Variants in TMCC3 observed in about 807,000 individuals in gnomAD.
TMCC3 encodes transmembrane and coiled-coil domain protein 3.
Under a neutral mutation model 40.2 loss-of-function variants are expected in TMCC3, and 28 were observed. The observed-to-expected ratio is 0.70, with a 90% CI of 0.52 to 0.95. The LOEUF (loss-of-function observed/expected upper bound fraction) is 0.95, where lower values mean the gene tolerates loss of function less well. TMCC3 is among the 40% of genes least tolerant of loss of function. The pLI is 0.00. For missense variants in TMCC3, 554 were observed against 615.2 expected (o/e 0.90, Z 1.05); for synonymous variants, 255 against 248.5 (o/e 1.03, Z -0.25).
At chr12:94,600,937 C>T (rs759752950) in intron 1 of TMCC3, among the ~76,000 whole-genome samples, 45 of 152,100 alleles carry the variant, frequency 3.0e-4, no homozygotes, top group Admixed American at 7.9e-4. Flanking sequence ...ATATACGAAC[C>T]CAATTTCTCT....
intron 1 of TMCC3, among the ~76,000 whole-genome samples, chr12:94,607,375 A>G (rs544709962): frequency 4.6e-5 from 7 of 152,356 alleles, no homozygotes; most frequent in Admixed American, 1.3e-4. Context: ...GAGATTAAAG[A>G]CAGGCATAAG....
intron 1 of TMCC3, among the ~76,000 whole-genome samples, chr12:94,638,776 G>A (rs1032863392): frequency 2.0e-5 from 3 of 152,214 alleles, no homozygotes; most frequent in African/African-American, 7.2e-5. Flanking sequence ...ACAACATCTT[G>A]ACAAAGACAG....
chr12:94,597,959 A>G (rs2138846235), intron 1 of TMCC3, among the ~76,000 whole-genome samples: 1 of 152,316 alleles, frequency 6.6e-6, no homozygotes, highest in South Asian at 2.1e-4. Context: ...AAGTCCAAGA[A>G]GGCAACGACT....
chr12:94,618,325 TC>T (rs1382279336), intron 1 of TMCC3, among the ~76,000 whole-genome samples: 1 of 152,210 alleles, frequency 6.6e-6, no homozygotes, highest in African/African-American at 2.4e-5. Flanking sequence ...GATCACTTCT[TC>T]CTTCCCCCTT....
At chr12:94,611,786 G>A (rs1194254270) in intron 1 of TMCC3, among the ~76,000 whole-genome samples, 1 of 150,322 alleles carries the variant, frequency 6.7e-6, no homozygotes, top group Non-Finnish European at 1.5e-5. Flanking sequence ...AAAAACACTC[G>A]GTACCTGTTC....
chr12:94,582,415 C>T lies in TMCC3; in HGVS notation c.202G>A (p.Ala68Thr), dbSNP rs1450791098. 6.2e-7 allele frequency: 1 copy of T among 1,613,958 alleles called. No individual in the cohort carries two copies. The highest frequency in any genetic ancestry group is 8.5e-7 in the Non-Finnish European group (1 of 1,180,010). The change falls in exon 2 of 4, where the codon GCA becomes ACA. Residue 68 changes from alanine (A) to threonine (T), a missense_variant. By Grantham distance (58) the Ala-to-Thr change is moderately conservative (BLOSUM62 0). Transcript: ENST00000261226. ...ILDFHKVKLT[A>T]DSLKQKILKV... Reference sequence around the variant, plus strand: ...AGAATTTTTTGCTTCAGGCTGTCTGCAGTGAGTTTGACCTTGTGGAAGTCC... The same window carrying T: ...AGAATTTTTTGCTTCAGGCTGTCTGTAGTGAGTTTGACCTTGTGGAAGTCC...
In TMCC3 at chr12:94,644,489, G is replaced by A. The variant is rs1464300496; in HGVS notation, c.78+5864C>T. ...CAGCTGTCTTGGTGATCTCTACAGCGGATGTGACAGGCGGGTGAGCTGGTG... is the reference window on the plus strand; with the variant it reads ...CAGCTGTCTTGGTGATCTCTACAGCAGATGTGACAGGCGGGTGAGCTGGTG... On this transcript the variant is annotated intron_variant, in intron 1 of 3. Coordinates refer to ENST00000261226, the MANE Select transcript of TMCC3 (RefSeq NM_020698.4). 17 of 958,082 alleles carry A rather than the reference G, an allele frequency of 1.8e-5. No individual in the cohort carries two copies. The South Asian group carries it at 2.4e-4, about 14-fold the overall frequency. The allele number at this position is 958,082 out of a possible 1,614,324, so 59.3% of individuals were successfully genotyped here.
chr12:94,579,822 C>G (rs1438732309), intron 2 of TMCC3, among the ~76,000 whole-genome samples: 1 of 152,190 alleles, frequency 6.6e-6, no homozygotes, highest in Non-Finnish European at 1.5e-5. Context: ...AACGTAACCA[C>G]AGGACAGATG....
intron 1 of TMCC3, among the ~76,000 whole-genome samples, chr12:94,624,235 A>C (rs1452153540): frequency 6.6e-6 from 1 of 152,226 alleles, no homozygotes; most frequent in Non-Finnish European, 1.5e-5. Flanking sequence ...GTTCCTCCAA[A>C]GGTTAAACAG....
At chr12:94,599,376 T>C (rs1048029140) in intron 1 of TMCC3, among the ~76,000 whole-genome samples, 2 of 152,148 alleles carry the variant, frequency 1.3e-5, no homozygotes, top group South Asian at 4.1e-4. Context: ...AGCCAATCAT[T>C]GTCCCCGCCG....
chr12:94,621,844 A>G (rs967089135), intron 1 of TMCC3, among the ~76,000 whole-genome samples: 4 of 152,160 alleles, frequency 2.6e-5, no homozygotes, highest in African/African-American at 9.7e-5. Context: ...AGAGGCCCCA[A>G]GTGATTAATA....
chr12:94,593,769 T>C (rs1201602866), intron 1 of TMCC3, among the ~76,000 whole-genome samples: 5 of 152,282 alleles, frequency 3.3e-5, no homozygotes, highest in Middle Eastern at 3.4e-3. Context: ...ACTTAAAAAA[T>C]GTATCTTTCT....
At chr12:94,603,220 G>T (rs1398748508) in intron 1 of TMCC3, among the ~76,000 whole-genome samples, 2 of 152,136 alleles carry the variant, frequency 1.3e-5, no homozygotes, top group Non-Finnish European at 2.9e-5. Context: ...GAGTACCTGG[G>T]ATTACAGACG....
intron 1 of TMCC3, among the ~76,000 whole-genome samples, chr12:94,641,910 C>CA (rs1019614467): frequency 1.3e-4 from 19 of 150,788 alleles, no homozygotes; most frequent in African/African-American, 4.6e-4. Flanking sequence ...AGAGGAACCA[C>CA]AAAAAATATA....
At chr12:94,648,872 T>C (rs2069035737) in intron 1 of TMCC3, among the ~76,000 whole-genome samples, 2 of 152,254 alleles carry the variant, frequency 1.3e-5, no homozygotes, top group South Asian at 2.1e-4. Context: ...AAGTCTGCAA[T>C]ATTAACTTTA....
In TMCC3 at chr12:94,567,231, G is replaced by A. The variant is rs979277423; in HGVS notation, c.*4204C>T. 3 of 152,188 alleles carry A rather than the reference G, an allele frequency of 2.0e-5. No homozygotes were observed. Among genetic ancestry groups the A allele is most frequent in the African/African-American group, 7.2e-5 (3 of 41,430 alleles). 9.4% of individuals were successfully genotyped at this position (152,188 alleles called of 1,614,324 possible). A position where few individuals can be genotyped will look rare whatever the true frequency, so the allele number is the denominator to read the frequency against. ...GATTCATTGATGACACCACAATGGGGTGAAGATCTACAGGGAATTTACAAT... is the reference window on the plus strand; with the variant it reads ...GATTCATTGATGACACCACAATGGGATGAAGATCTACAGGGAATTTACAAT... On this transcript the variant is annotated 3_prime_UTR_variant, in exon 4 of 4. Coordinates refer to ENST00000261226, the MANE Select transcript of TMCC3 (RefSeq NM_020698.4).
At chr12:94,632,984 C>T (rs115440401) in intron 1 of TMCC3, among the ~76,000 whole-genome samples, 9,333 of 152,052 alleles carry the variant, frequency 0.061, 317 homozygotes, top group South Asian at 0.15. Flanking sequence ...TGCGCACCTG[C>T]AGTCCTCGTT....
Position 94,571,457 on chromosome 12 carries a change from T to C in TMCC3, c.1412A>G (p.Glu471Gly). ...GCTTCATCTTGGTATTATCATCCTTTCTATGGCACACAGGATATGGTCCCA... is the reference window on the plus strand; with the variant it reads ...GCTTCATCTTGGTATTATCATCCTTCCTATGGCACACAGGATATGGTCCCA... Reference protein sequence around the residue: ...KNWDHILCAIERMIIPR With the variant: ...KNWDHILCAIGRMIIPR The change falls in exon 4 of 4, where the codon GAA becomes GGA. Residue 471 changes from glutamate to glycine, a missense_variant. By Grantham distance (98) the Glu-to-Gly change is moderately conservative (BLOSUM62 -2). Coordinates refer to ENST00000261226, the MANE Select transcript of TMCC3 (RefSeq NM_020698.4). 1.2e-6 allele frequency: 2 copies of C among 1,613,748 alleles called. No individual in the cohort carries two copies. Among genetic ancestry groups the C allele is most frequent in the Non-Finnish European group, 1.7e-6 (2 of 1,179,640 alleles).
intron 1 of TMCC3, among the ~76,000 whole-genome samples, chr12:94,621,701 T>A (rs2068876679): frequency 6.6e-6 from 1 of 152,120 alleles, no homozygotes; most frequent in African/African-American, 2.4e-5. Context: ...ACCAAGGACT[T>A]ATAGCTGATT....
Sources: allele counts gnomAD v4.1 joint callset (sites outside exome capture counted in the v4.1 genomes callset), GRCh38; gene constraint gnomAD v4.1.1; transcripts MANE v1.5; gene names NCBI Gene and HGNC (gene_info 2026-07-23, HGNC 2026-07-21).